Variants in TRIO observed in about 807,000 individuals in gnomAD.
TRIO encodes the protein triple functional domain protein.
Under a neutral mutation model 351.9 loss-of-function variants are expected in TRIO, and 58 were observed. That is an observed-to-expected ratio of 0.16 (90% CI 0.13 to 0.21). TRIO has a LOEUF of 0.21. Among genes scored for constraint, TRIO ranks in the 10% least tolerant of loss-of-function variants. The probability of loss-of-function intolerance (pLI) is 1.00; values close to 1 mark genes in which losing one functional copy is unlikely to be tolerated. For synonymous variants in TRIO, 1,758 were observed against 1,595.7 expected (o/e 1.10, Z -2.42); for missense variants, 3,201 against 4,027.8 (o/e 0.79, Z 5.56).
rs182703741 is a variant in TRIO at position 14,459,939 on chromosome 5, G to T, written c.5204-1080G>T. ...TTTTCTTTTTTCTTTTTTTGGGGATGCAGTTTCGCTCTGTCGTTCCGGCTG... is the reference window on the plus strand; with the variant it reads ...TTTTCTTTTTTCTTTTTTTGGGGATTCAGTTTCGCTCTGTCGTTCCGGCTG... On this transcript the variant is annotated intron_variant, in intron 34 of 56. Transcript: ENST00000344204. Among the ~76,000 whole-genome samples the T allele has an allele frequency of 2.6e-5, 4 of 151,682 alleles. No homozygotes were observed. In the East Asian group the frequency reaches 5.8e-4, roughly 22 times the overall value.
At chr5:14,362,684 T>G (rs1206779599) in intron 13 of TRIO, among the ~76,000 whole-genome samples, 1 of 152,140 alleles carries the variant, frequency 6.6e-6, no homozygotes, top group Non-Finnish European at 1.5e-5. Flanking sequence ...GCACGAGTCT[T>G]TGCGAGGTGG....
At position 14,350,150 on chromosome 5, in the gene TRIO, C is replaced by T. The variant is rs369517516; in HGVS notation, c.2047-8028C>T. On this transcript the variant is annotated intron_variant, in intron 11 of 56. Transcript: ENST00000344204. Reference sequence around the variant, plus strand: ...AAGGAGCTCCAGGTCATGCTCTGCCCGCAGAGTTCAAGAAATAAAATGTCA... The same window carrying T: ...AAGGAGCTCCAGGTCATGCTCTGCCTGCAGAGTTCAAGAAATAAAATGTCA... Among the ~76,000 whole-genome samples the T allele has an allele frequency of 4.0e-4, 61 of 152,184 alleles. 1 individual carries two copies. In the South Asian group the frequency reaches 0.011, roughly 28 times the overall value.
intron 19 of TRIO, among the ~76,000 whole-genome samples, chr5:14,375,867 T>C (rs1466297574): frequency 6.6e-6 from 1 of 152,220 alleles, no homozygotes; most frequent in East Asian, 1.9e-4. Context: ...TTTAGCAGAC[T>C]TCAGATTTCA....
At chr5:14,442,323 GTTCA>G (rs1752116507) in intron 34 of TRIO, among the ~76,000 whole-genome samples, 1 of 152,200 alleles carries the variant, frequency 6.6e-6, no homozygotes, top group African/African-American at 2.4e-5. Context: ...GGCACTTCCA[GTTCA>G]TTAAGAGCTC....
At chr5:14,209,213 A>G (rs1481966592) in intron 1 of TRIO, among the ~76,000 whole-genome samples, 2 of 152,352 alleles carry the variant, frequency 1.3e-5, no homozygotes, top group South Asian at 2.1e-4. Flanking sequence ...ATCTGCTAAA[A>G]TGAGTAAATT....
chr5:14,160,758 G>C (rs1455496085), intron 1 of TRIO, among the ~76,000 whole-genome samples: 1 of 152,172 alleles, frequency 6.6e-6, no homozygotes, highest in African/African-American at 2.4e-5. Flanking sequence ...TATTTTACTT[G>C]TGTTACAGGT....
intron 45 of TRIO, 28 bp downstream of exon 45, chr5:14,481,646 G>A: frequency 6.2e-7 from 1 of 1,610,900 alleles, no homozygotes; most frequent in Non-Finnish European, 8.5e-7. Flanking sequence ...TTTTAAGAGA[G>A]CTCCTCTGCC....
intron 1 of TRIO, among the ~76,000 whole-genome samples, chr5:14,241,154 T>C (rs1794102927): frequency 6.6e-6 from 1 of 152,236 alleles, no homozygotes; most frequent in African/African-American, 2.4e-5. Flanking sequence ...GCTAAAACAA[T>C]TTGAGTTTTC....
chr5:14,224,253 A>G (rs1355178905), intron 1 of TRIO, among the ~76,000 whole-genome samples: 1 of 152,102 alleles, frequency 6.6e-6, no homozygotes, highest in East Asian at 1.9e-4. Context: ...AATCTTATAC[A>G]TACTGTTTAA....
At chr5:14,349,003 G>A (rs1015889214) in intron 11 of TRIO, among the ~76,000 whole-genome samples, 2 of 148,094 alleles carry the variant, frequency 1.4e-5, no homozygotes, top group African/African-American at 5.0e-5. Flanking sequence ...ACGCACATGA[G>A]CATGTTTTTC....
At chr5:14,279,357 G>GT (rs141871407) in intron 2 of TRIO, among the ~76,000 whole-genome samples, 44 of 151,490 alleles carry the variant, frequency 2.9e-4, no homozygotes, top group African/African-American at 4.6e-4. Context: ...AATCTTCTGG[G>GT]TTTTTTTTTA....
At chr5:14,362,202 G>A (rs763342870) in intron 13 of TRIO, among the ~76,000 whole-genome samples, 11 of 152,236 alleles carry the variant, frequency 7.2e-5, no homozygotes, top group Non-Finnish European at 1.6e-4. Context: ...GATTCAGCAT[G>A]ATTTTGCCAG....
intron 46 of TRIO, 25 bp from the exon 47 acceptor site, chr5:14,485,044 T>C (rs778069985): frequency 6.6e-7 from 1 of 1,525,444 alleles, no homozygotes. Context: ...TTAGCTATTA[T>C]GAATAATGTT....
Position 14,482,652 on chromosome 5 carries a change from T to G in TRIO, c.6536T>G (p.Leu2179Arg). 1 of 1,608,112 alleles carries G rather than the reference T, an allele frequency of 6.2e-7. No homozygotes were observed. Among genetic ancestry groups the G allele is most frequent in the African/African-American group, 1.3e-5 (1 of 74,924 alleles). Residue 2179 changes from leucine (L) to arginine (R), a missense_variant, in exon 46 of 57, where the codon CTT becomes CGT. Transcript: ENST00000344204. ...TTGGTCACAGACCAAGATGCAGGACTTCTGCCTCGCTGCAGAGAGAGGCGC... is the reference window on the plus strand; with the variant it reads ...TTGGTCACAGACCAAGATGCAGGACGTCTGCCTCGCTGCAGAGAGAGGCGC... ...TFLVTDQDAG[L>R]LPRCRERRIF... is the part of the protein sequence containing the mutation.
At chr5:14,341,847 T>C (rs1271908048) in intron 11 of TRIO, among the ~76,000 whole-genome samples, 1 of 152,250 alleles carries the variant, frequency 6.6e-6, no homozygotes, top group Non-Finnish European at 1.5e-5. Flanking sequence ...TGAATTGGGC[T>C]GTGATTCTTG....
intron 33 of TRIO, among the ~76,000 whole-genome samples, chr5:14,407,149 A>T (rs1336291460): frequency 3.3e-5 from 5 of 152,132 alleles, no homozygotes; most frequent in African/African-American, 7.2e-5. Flanking sequence ...GACAGGGAGC[A>T]TGTGGGGAGA....
At chr5:14,178,867 A>T (rs1428498796) in intron 1 of TRIO, among the ~76,000 whole-genome samples, 1 of 152,184 alleles carries the variant, frequency 6.6e-6, no homozygotes, top group Non-Finnish European at 1.5e-5. Flanking sequence ...ACAGACCTAC[A>T]GCACATTTGA....
intron 53 of TRIO, 38 bp from the exon 54 acceptor site, chr5:14,502,541 C>A (rs539678566): frequency 6.2e-7 from 1 of 1,610,306 alleles, no homozygotes; most frequent in East Asian, 2.2e-5. Context: ...AGAAGCTCCA[C>A]GGGAAACAAG....
chr5:14,445,171 G>C (rs1752347812), intron 34 of TRIO, among the ~76,000 whole-genome samples: 1 of 152,188 alleles, frequency 6.6e-6, no homozygotes, highest in African/African-American at 2.4e-5. Context: ...CGGCCTGGGA[G>C]CTGGGTAACA....
Sources: allele counts gnomAD v4.1 joint callset (sites outside exome capture counted in the v4.1 genomes callset), GRCh38; gene constraint gnomAD v4.1.1; transcripts MANE v1.5; gene names NCBI Gene and HGNC (gene_info 2026-07-23, HGNC 2026-07-21).